TPP2: variants seen among roughly 807,000 people sequenced by gnomAD.
The protein encoded by TPP2 is tripeptidyl peptidase 2, also known as tripeptidyl-peptidase 2.
In TPP2, 34 loss-of-function variants were observed where a neutral mutation model predicts 155.9. That is an observed-to-expected ratio of 0.22 (90% CI 0.17 to 0.29). The LOEUF (loss-of-function observed/expected upper bound fraction) is 0.29. Ranked by LOEUF, TPP2 falls within the 10% of genes least tolerant of loss-of-function variation. The probability of loss-of-function intolerance (pLI) is 1.00; values close to 1 mark genes in which losing one functional copy is unlikely to be tolerated. For missense variants in TPP2, 1,028 were observed against 1,522.3 expected (o/e 0.68, Z 5.40); for synonymous variants, 510 against 529.4 (o/e 0.96, Z 0.50).
intron 25 of TPP2, among the ~76,000 whole-genome samples, chr13:102,660,622 C>T (rs1182115018): frequency 6.6e-6 from 1 of 152,158 alleles, no homozygotes; most frequent in Non-Finnish European, 1.5e-5. Context: ...TAGAAATTAA[C>T]AAGCTGATTC....
In TPP2 at chr13:102,597,132, G is replaced by T. The variant is rs771804699; in HGVS notation, c.94G>T (p.Glu32Ter). 6.2e-7 allele frequency: 1 copy of T among 1,610,538 alleles called. No individual in the cohort carries two copies. The highest frequency in any genetic ancestry group is 8.5e-7 in the Non-Finnish European group (1 of 1,178,994). Residue 32 changes from glutamate to a stop codon, truncating the protein, a stop_gained, in exon 1 of 30, where the codon GAG (glutamate) becomes TAG (stop). Transcript: ENST00000376052. LOFTEE classifies it high-confidence loss of function. ...CGCCTCCTTCCTCTGCCGCTACCCG[G>T]AGTATGATGGGCGGGGGGTGCTCAT... Reference protein sequence around the residue: ...GAASFLCRYPEYDGRGVLIAV... With the variant: ...GAASFLCRYP
chr13:102,598,787 C>T (rs1879194932), intron 1 of TPP2, among the ~76,000 whole-genome samples: 1 of 152,182 alleles, frequency 6.6e-6, no homozygotes, highest in Admixed American at 6.5e-5. Context: ...CTGTTTCTCA[C>T]ATTATTCTGT....
At chr13:102,669,040 A>G (rs1566373137) in intron 27 of TPP2, among the ~76,000 whole-genome samples, 1 of 152,218 alleles carries the variant, frequency 6.6e-6, no homozygotes, top group Non-Finnish European at 1.5e-5. Context: ...TGTGAACACA[A>G]GCATGTCTTC....
intron 23 of TPP2, among the ~76,000 whole-genome samples, 174 bp downstream of exon 23, chr13:102,649,660 C>T (rs1883363533): frequency 6.6e-6 from 1 of 152,058 alleles, no homozygotes; most frequent in Non-Finnish European, 1.5e-5. Flanking sequence ...ATTTAGTTGT[C>T]TTTTAAAATG....
rs1315026085 is a variant in TPP2 at position 102,679,034 on chromosome 13, CATATG to C, written c.*724_*728del. 5 of 152,478 alleles carry C rather than the reference CATATG, an allele frequency of 3.3e-5. No individual in the cohort carries two copies. The highest frequency in any genetic ancestry group is 7.4e-5 in the Non-Finnish European group (5 of 68,004). The allele number at this position is 152,478 out of a possible 1,614,324, so 9.4% of individuals were successfully genotyped here. ...CTTTATCAGGTATTGTAAAGATACA[CATATG>C]ATATGTTTATTAAAATTGAAATAAT... is the stretch of plus-strand genomic sequence containing the variant. On this transcript the variant is annotated 3_prime_UTR_variant, in exon 30 of 30. Coordinates refer to ENST00000376052, the MANE Select transcript of TPP2 (RefSeq NM_001330588.2).
At chr13:102,658,067 T>C (rs754044817) in intron 25 of TPP2, among the ~76,000 whole-genome samples, 1 of 152,228 alleles carries the variant, frequency 6.6e-6, no homozygotes, top group Non-Finnish European at 1.5e-5. Context: ...ATAAAAGATA[T>C]TAATGCTTTT....
At chr13:102,618,680 G>A (rs779010767) in intron 4 of TPP2, 42 bp from the exon 5 acceptor site, 4 of 1,602,574 alleles carry the variant, frequency 2.5e-6, no homozygotes, top group Non-Finnish European at 3.4e-6. Flanking sequence ...ACTTTTAGAA[G>A]GACAGAATGT....
chr13:102,672,145 G>A (rs982023086), intron 27 of TPP2, among the ~76,000 whole-genome samples: 8 of 152,158 alleles, frequency 5.3e-5, no homozygotes, highest in African/African-American at 1.7e-4. Context: ...GAAAGGAAAG[G>A]AGTACTCAGA....
At chr13:102,659,279 C>G (rs1364652660) in intron 25 of TPP2, among the ~76,000 whole-genome samples, 1 of 152,106 alleles carries the variant, frequency 6.6e-6, no homozygotes, top group Non-Finnish European at 1.5e-5. Context: ...ACCAGGAGAA[C>G]AGAGAGAAAG....
chr13:102,658,571 A>T (rs1252307482), intron 25 of TPP2, among the ~76,000 whole-genome samples: 1 of 152,286 alleles, frequency 6.6e-6, no homozygotes, highest in Non-Finnish European at 1.5e-5. Context: ...ACAACTTTTT[A>T]AAGCCTCTGG....
In TPP2 at chr13:102,635,687, A is replaced by T. The variant is rs1484117111; in HGVS notation, c.1494A>T (p.Gly498=). 1.9e-6 allele frequency: 3 copies of T among 1,612,444 alleles called. No homozygotes were observed. Among genetic ancestry groups the T allele is most frequent in the Non-Finnish European group, 1.7e-6 (2 of 1,179,308 alleles). ...ACAATATAGAAGTATTTGCTCAAGGACATGGTATTATTCAGGTATTGTTGC... is the reference window on the plus strand; with the variant it reads ...ACAATATAGAAGTATTTGCTCAAGGTCATGGTATTATTCAGGTATTGTTGC... ...KADNIEVFAQ[G]HGIIQVDKAY... is the part of the protein sequence containing the mutation. The change falls in exon 12 of 30, where the codon GGA becomes GGT. Residue 498 remains glycine (G), a synonymous_variant. Coordinates refer to ENST00000376052, the MANE Select transcript of TPP2 (RefSeq NM_001330588.2).
intron 16 of TPP2, among the ~76,000 whole-genome samples, chr13:102,641,759 C>A (rs1882781155): frequency 6.6e-6 from 1 of 152,176 alleles, no homozygotes; most frequent in African/African-American, 2.4e-5. Context: ...CCAATATAGC[C>A]TGTTAATTTG....
intron 2 of TPP2, among the ~76,000 whole-genome samples, chr13:102,611,007 T>C (rs1475818818): frequency 3.9e-5 from 6 of 152,230 alleles, no homozygotes; most frequent in Non-Finnish European, 1.5e-5. Context: ...ACATAAAATA[T>C]ATTGTTTAGT....
rs368359506 is a variant in TPP2, at chr13:102,678,308, G to A, written c.3781G>A (p.Val1261Ile). Residue 1261 changes from valine to isoleucine, a missense_variant, in exon 30 of 30, where the codon GTA becomes ATA. Val to Ile is a conservative substitution (Grantham distance 29). Transcript: ENST00000376052. ...LPIMYPPDYCVF is the reference protein window; with the variant it reads ...LPIMYPPDYCIF ...CATCATGTATCCTCCCGATTATTGC[G>A]TATTCTAAAATAGGAAACAAGACTT... 44 of 1,612,918 alleles carry A rather than the reference G, an allele frequency of 2.7e-5. No individual in the cohort carries two copies. Among genetic ancestry groups the A allele is most frequent in the Admixed American group, 6.7e-5 (4 of 59,906 alleles).
rs941255868 is a variant in TPP2 at position 102,657,682 on chromosome 13, C to T, written c.3143+475C>T. Among the ~76,000 whole-genome samples, 32 of 152,010 alleles carry T rather than the reference C, an allele frequency of 2.1e-4. 1 individual carries two copies. The highest frequency in any genetic ancestry group is 2.0e-3 in the Admixed American group (31 of 15,258). On this transcript the variant is annotated intron_variant, in intron 25 of 29. Coordinates refer to ENST00000376052, the MANE Select transcript of TPP2 (RefSeq NM_001330588.2). Reference sequence around the variant, plus strand: ...ATGGATGCAACATAATCTATTTAAACGTTTTATTTTGCATATATATGTTTA... The same window carrying T: ...ATGGATGCAACATAATCTATTTAAATGTTTTATTTTGCATATATATGTTTA...
At position 102,674,556 on chromosome 13, in the gene TPP2, C is replaced by G. The variant is rs1885182633; in HGVS notation, c.3579+66C>G. Reference sequence around the variant, plus strand: ...TACCTCACAGACCTCTCTTGTGCCCCATTGCTGGTTAAAAGAGGAAGAAGA... The same window carrying G: ...TACCTCACAGACCTCTCTTGTGCCCGATTGCTGGTTAAAAGAGGAAGAAGA... On this transcript the variant is annotated intron_variant, in intron 28 of 29. Coordinates refer to ENST00000376052, the MANE Select transcript of TPP2 (RefSeq NM_001330588.2). The G allele has an allele frequency of 1.4e-5, 21 of 1,502,606 alleles. No homozygotes were observed. The South Asian group carries it at 2.5e-4, about 18-fold the overall frequency. 93.1% of individuals were successfully genotyped at this position (1,502,606 alleles called of 1,614,324 possible). A position where few individuals can be genotyped will look rare whatever the true frequency, so the allele number is the denominator to read the frequency against.
intron 1 of TPP2, among the ~76,000 whole-genome samples, chr13:102,599,757 G>T (rs1879286535): frequency 6.6e-6 from 1 of 152,166 alleles, no homozygotes; most frequent in Admixed American, 6.5e-5. Flanking sequence ...TGTGTTAAAT[G>T]ATATAGTCTT....
intron 21 of TPP2, 47 bp from the exon 22 acceptor site, chr13:102,648,860 G>A: frequency 6.5e-7 from 1 of 1,541,696 alleles, no homozygotes; most frequent in Non-Finnish European, 8.7e-7. Context: ...GATTTCCGTT[G>A]ACTTGGTTAA....
intron 24 of TPP2, among the ~76,000 whole-genome samples, chr13:102,654,056 A>G (rs1020463122): frequency 1.3e-5 from 2 of 152,204 alleles, no homozygotes; most frequent in Non-Finnish European, 1.5e-5. Flanking sequence ...TTTTTAAACC[A>G]TAATCAAGAT....
Sources: gnomAD v4.1 joint callset for allele counts (sites outside exome capture counted in the v4.1 genomes callset) on GRCh38, gnomAD v4.1.1 for gene constraint, MANE v1.5 for transcripts, NCBI Gene and HGNC (gene_info 2026-07-23, HGNC 2026-07-21) for gene names.